FIG4: variants seen among roughly 807,000 people sequenced by gnomAD.
FIG4 encodes the protein FIG4 phosphoinositide 5-phosphatase, also known as polyphosphoinositide phosphatase.
In FIG4, 112 loss-of-function variants were observed where a neutral mutation model predicts 118.6. The observed-to-expected ratio is 0.94, with a 90% CI of 0.81 to 1.11. FIG4 has a LOEUF of 1.11. FIG4 is among the 50% of genes least tolerant of loss of function. The probability of loss-of-function intolerance (pLI) is 0.00; values close to 1 mark genes in which losing one functional copy is unlikely to be tolerated. For missense variants in FIG4, 969 were observed against 1,111.7 expected (o/e 0.87, Z 1.83); for synonymous variants, 369 against 381.2 (o/e 0.97, Z 0.37).
At chr6:109,819,335 C>T (rs1022322323) in intron 22 of FIG4, among the ~76,000 whole-genome samples, 1 of 152,198 alleles carries the variant, frequency 6.6e-6, no homozygotes, top group Non-Finnish European at 1.5e-5. Flanking sequence ...GGTAGCCATC[C>T]AGGGCTCCTT....
Position 109,825,143 on chromosome 6 carries a change from G to A in FIG4, c.2602G>A (p.Val868Ile). The part of the protein sequence containing the change: ...DNIYEVQPPR[V>I]DRKSTEIFQA... ...CATCTATGAAGTTCAGCCCCCAAGA[G>A]TAGACAGAAAATCTACAGAGATCTT... The change falls in exon 23 of 23, where the codon GTA becomes ATA. Residue 868 changes from valine to isoleucine, a missense_variant. Val to Ile is a conservative substitution (Grantham distance 29). Coordinates refer to ENST00000230124, the MANE Select transcript of FIG4 (RefSeq NM_014845.6). The A allele has an allele frequency of 6.2e-7, 1 of 1,614,064 alleles. No homozygotes were observed. The highest frequency in any genetic ancestry group is 8.5e-7 in the Non-Finnish European group (1 of 1,179,960).
chr6:109,762,201 A>G lies in FIG4; in HGVS notation c.1382A>G (p.Asp461Gly). ...PDSYCSILRP[D>G]EKWNELGGCV... is the part of the protein sequence containing the mutation. ...TCTTACTGTAGCATTTTGCGGCCAG[A>G]TGAAAAGTATGTATGGTATTTTAAA... The change falls in exon 12 of 23, where the codon GAT becomes GGT. Residue 461 changes from aspartate to glycine, a missense_variant. This residue lies in a region of FIG4 where 246 missense variants were observed against 354.3 expected (regional missense o/e 0.69). Transcript: ENST00000230124. 6.4e-7 allele frequency: 1 copy of G among 1,571,790 alleles called. No homozygotes were observed. Among genetic ancestry groups the G allele is most frequent in the South Asian group, 1.1e-5 (1 of 90,288 alleles).
chr6:109,786,959 G>A (rs1777980572), intron 18 of FIG4, among the ~76,000 whole-genome samples: 1 of 152,158 alleles, frequency 6.6e-6, no homozygotes, highest in African/African-American at 2.4e-5. Flanking sequence ...GTACAGGCAG[G>A]TGATTGATAA....
intron 18 of FIG4, among the ~76,000 whole-genome samples, chr6:109,788,976 A>G (rs1562685275): frequency 1.3e-5 from 2 of 152,296 alleles, no homozygotes; most frequent in East Asian, 3.9e-4. Flanking sequence ...AAATTAAAAG[A>G]GTTTCTATTT....
chr6:109,766,874 TATTACAGCA>T lies in FIG4; in HGVS notation c.1732_1740del (p.Tyr578_Asn580del). 1 of 1,614,092 alleles carries T rather than the reference TATTACAGCA, an allele frequency of 6.2e-7. No individual in the cohort carries two copies. Among genetic ancestry groups the T allele is most frequent in the Non-Finnish European group, 8.5e-7 (1 of 1,179,954 alleles). On this transcript the variant is annotated inframe_deletion, in exon 15 of 23. Transcript: ENST00000230124. ...AGACATCATGCAAACCCTGTCTAGA[TATTACAGCA>T]ATGCTTTTTCAGGTAATTCTGAAGT...
intron 3 of FIG4, among the ~76,000 whole-genome samples, chr6:109,723,267 G>A (rs1775666357): frequency 6.6e-6 from 1 of 152,096 alleles, no homozygotes; most frequent in Non-Finnish European, 1.5e-5. Flanking sequence ...AAGAAAGTTA[G>A]TTTTAACTCC....
At chr6:109,732,083 G>A (rs1285257109) in intron 4 of FIG4, among the ~76,000 whole-genome samples, 2 of 152,150 alleles carry the variant, frequency 1.3e-5, no homozygotes, top group African/African-American at 4.8e-5. Context: ...TGAGAGAGCC[G>A]GACTGGGGAA....
At position 109,789,616 on chromosome 6, in the gene FIG4, G is replaced by A. The variant is rs376570182; in HGVS notation, c.2119G>A (p.Gly707Arg). ...TAGTGACTTTATGCCTAAGACCGTT[G>A]GAATTGATCCAAGTCCATTTACTGT... Reference protein sequence around the residue: ...SARDFMPKTVGIDPSPFTVRK... With the variant: ...SARDFMPKTVRIDPSPFTVRK... The change falls in exon 19 of 23, where the codon GGA (glycine) becomes AGA (arginine). Residue 707 changes from glycine (G) to arginine (R), a missense_variant. This residue lies in a region of FIG4 where 330 missense variants were observed against 348.1 expected (regional missense o/e 0.95). Coordinates refer to ENST00000230124, the MANE Select transcript of FIG4 (RefSeq NM_014845.6). 4 of 1,613,410 alleles carry A rather than the reference G, an allele frequency of 2.5e-6. No homozygotes were observed. The highest frequency in any genetic ancestry group is 3.3e-4 in the Middle Eastern group (2 of 6,058).
chr6:109,795,924 C>T (rs1778274663), intron 21 of FIG4, among the ~76,000 whole-genome samples: 1 of 152,140 alleles, frequency 6.6e-6, no homozygotes, highest in Non-Finnish European at 1.5e-5. Flanking sequence ...TTCAGACCTG[C>T]CCTGTAACCT....
chr6:109,741,114 G>A (rs983626627), intron 7 of FIG4, among the ~76,000 whole-genome samples: 13 of 152,224 alleles, frequency 8.5e-5, no homozygotes, highest in Admixed American at 5.9e-4. Context: ...GACACAGAGC[G>A]AAACCATATC....
chr6:109,726,105 T>G (rs1474898077), intron 3 of FIG4, among the ~76,000 whole-genome samples: 1 of 144,236 alleles, frequency 6.9e-6, no homozygotes, highest in African/African-American at 2.5e-5. Flanking sequence ...TTAGTTTAAT[T>G]AAATCCCATT....
At chr6:109,734,170 A>T (rs1164179089) in intron 5 of FIG4, among the ~76,000 whole-genome samples, 1 of 151,836 alleles carries the variant, frequency 6.6e-6, no homozygotes, top group African/African-American at 2.4e-5. Context: ...AATAATTAAA[A>T]TAATGTGTGT....
chr6:109,691,379 C>T lies in FIG4; in HGVS notation c.-57C>T. 8 of 1,453,508 alleles carry T rather than the reference C, an allele frequency of 5.5e-6. No individual in the cohort carries two copies. Among genetic ancestry groups the T allele is most frequent in the Non-Finnish European group, 6.6e-6 (7 of 1,056,832 alleles). 90.0% of individuals were successfully genotyped at this position (1,453,508 alleles called of 1,614,324 possible). On this transcript the variant is annotated 5_prime_UTR_variant, in exon 1 of 23. Transcript: ENST00000230124. ...GGCCTGAGGGGTTTTCTCGCCGAGT[C>T]TCCTGGGGCGGTCCGGAGGCTCGTG...
intron 3 of FIG4, among the ~76,000 whole-genome samples, chr6:109,723,870 A>AG (rs1775688793): frequency 6.6e-6 from 1 of 152,248 alleles, no homozygotes; most frequent in Non-Finnish European, 1.5e-5. Context: ...AGAATGGAGT[A>AG]GATGTTCAGA....
At position 109,785,119 on chromosome 6, in the gene FIG4, T is replaced by G. The variant is rs185073547; in HGVS notation, c.1948+91T>G. 3,137 of 789,268 alleles carry G rather than the reference T, an allele frequency of 4.0e-3. 14 individuals are homozygous for G. Among genetic ancestry groups the G allele is most frequent in the Non-Finnish European group, 6.1e-3 (2,677 of 437,110 alleles). 48.9% of individuals were successfully genotyped at this position (789,268 alleles called of 1,614,324 possible). The stretch of plus-strand genomic sequence containing the variant: ...GAAGCATTAAATCCTTTGCACATAG[T>G]ATTTTATTAGAAACAAATGAATGGC... On this transcript the variant is annotated intron_variant, in intron 17 of 22. Coordinates refer to ENST00000230124, the MANE Select transcript of FIG4 (RefSeq NM_014845.6).
At chr6:109,695,845 C>T (rs1348098974) in intron 1 of FIG4, among the ~76,000 whole-genome samples, 1 of 152,188 alleles carries the variant, frequency 6.6e-6, no homozygotes, top group Non-Finnish European at 1.5e-5. Context: ...CTGGGTGAAA[C>T]AGCGTTGGGA....
Position 109,789,584 on chromosome 6 carries a change from C to G in FIG4, c.2097-10C>G, listed in dbSNP as rs142482745. On this transcript the variant is annotated splice_polypyrimidine_tract_variant and intron_variant, in intron 18 of 22. Transcript: ENST00000230124. Reference sequence around the variant, plus strand: ...AATTCATATGTAATTGTGTTTTCACCTTTCTTTAGTGACTTTATGCCTAAG... The same window carrying G: ...AATTCATATGTAATTGTGTTTTCACGTTTCTTTAGTGACTTTATGCCTAAG... 9.9e-4 allele frequency: 1,598 copies of G among 1,606,644 alleles called. 1 individual carries two copies. Among genetic ancestry groups the G allele is most frequent in the Non-Finnish European group, 1.3e-3 (1,502 of 1,173,486 alleles).
At chr6:109,758,993 A>C (rs1324350703) in intron 10 of FIG4, among the ~76,000 whole-genome samples, 2 of 152,304 alleles carry the variant, frequency 1.3e-5, no homozygotes, top group East Asian at 3.9e-4. Context: ...ACGCTTTTAC[A>C]CTGTTGGGAG....
At chr6:109,757,689 G>T (rs1399141129) in intron 10 of FIG4, among the ~76,000 whole-genome samples, 7 of 152,098 alleles carry the variant, frequency 4.6e-5, no homozygotes, top group African/African-American at 7.2e-5. Flanking sequence ...GTTTGCAGAG[G>T]ACATGATTGT....
Sources: allele counts gnomAD v4.1 joint callset (sites outside exome capture counted in the v4.1 genomes callset), GRCh38; gene constraint gnomAD v4.1.1; regional missense constraint gnomAD v4.1.1; transcripts MANE v1.5; gene names NCBI Gene and HGNC (gene_info 2026-07-23, HGNC 2026-07-21).